CCPG1: variants seen among roughly 807,000 people sequenced by gnomAD.
The protein encoded by CCPG1 is cell cycle progression 1.
A neutral mutation model predicts 81.3 loss-of-function variants in CCPG1; 46 were observed. The ratio of observed to expected loss-of-function variants is 0.57; its 90% CI spans 0.45 to 0.72. The LOEUF (loss-of-function observed/expected upper bound fraction) is 0.72, where lower values mean the gene tolerates loss of function less well. CCPG1 is among the 30% of genes least tolerant of loss of function. The pLI is 0.00. For synonymous variants in CCPG1, 330 were observed against 305.2 expected (o/e 1.08, Z -0.85); for missense variants, 902 against 937.6 (o/e 0.96, Z 0.50).
chr15:55,369,171 G>C (rs574130828), intron 6 of CCPG1, among the ~76,000 whole-genome samples: 1 of 151,896 alleles, frequency 6.6e-6, no homozygotes. Flanking sequence ...CCGACTTTAC[G>C]GTGAATAGAA....
intron 1 of CCPG1, among the ~76,000 whole-genome samples, chr15:55,392,452 C>A (rs2056940057): frequency 6.6e-6 from 1 of 151,730 alleles, no homozygotes. Context: ...CTCCTGACAT[C>A]ATGATCCACC....
chr15:55,406,391 C>T (rs1484207900), intron 1 of CCPG1, among the ~76,000 whole-genome samples: 1 of 149,484 alleles, frequency 6.7e-6, no homozygotes, highest in Non-Finnish European at 1.5e-5. Flanking sequence ...ACTATCTACA[C>T]TTTTATAACT....
chr15:55,374,329 C>T (rs1358953756), intron 5 of CCPG1: 1 of 691,270 alleles, frequency 1.4e-6, no homozygotes, highest in Non-Finnish European at 2.1e-6. Flanking sequence ...ATTAAAAATA[C>T]TTAATTATCA....
intron 5 of CCPG1, chr15:55,374,384 CT>C: frequency 2.3e-6 from 1 of 443,444 alleles, no homozygotes; most frequent in Non-Finnish European, 3.8e-6. Flanking sequence ...ATAACCATGC[CT>C]TCTTAAAAAC....
intron 5 of CCPG1, chr15:55,372,383 A>T (rs538903368): frequency 3.6e-6 from 1 of 274,666 alleles, no homozygotes; most frequent in Non-Finnish European, 7.1e-6. Flanking sequence ...ATTGCTGGCC[A>T]GGAGCAGTGG....
intron 1 of CCPG1, among the ~76,000 whole-genome samples, chr15:55,394,827 G>A (rs79562264): frequency 6.6e-6 from 1 of 151,384 alleles, no homozygotes; most frequent in African/African-American, 2.4e-5. Context: ...TTACTTAACA[G>A]ATCACTGCAA....
chr15:55,371,997 T>C lies in CCPG1; in HGVS notation c.502A>G (p.Ser168Gly). The C allele has an allele frequency of 6.2e-7, 1 of 1,614,072 alleles. No individual in the cohort carries two copies. The highest frequency in any genetic ancestry group is 8.5e-7 in the Non-Finnish European group (1 of 1,179,876). Residue 168 changes from serine to glycine, a missense_variant, in exon 6 of 9, where the codon AGT (serine) becomes GGT (glycine). Physicochemically the swap from Ser to Gly is moderately conservative, Grantham distance 56 (BLOSUM62 0). Around this residue, in one of 3 missense-constraint regions of CCPG1, gnomAD observed 746 missense variants for 728.6 expected, o/e 1.02. Transcript: ENST00000442196. ...SDDESSSDET[S>G]NQPSPAFRRR... ...CTAAAGGCAGGACTGGGCTGATTAC[T>C]GGTTTCATCACTACTTGATTCATCG...
chr15:55,390,743 A>G (rs1380853394), intron 1 of CCPG1, among the ~76,000 whole-genome samples: 1 of 151,658 alleles, frequency 6.6e-6, no homozygotes. Flanking sequence ...ACTCCTGTAC[A>G]TTAATATTTC....
chr15:55,355,397 T>C lies in CCPG1; in HGVS notation c.*823A>G, dbSNP rs374303086. On this transcript the variant is annotated 3_prime_UTR_variant, in exon 9 of 9. Transcript: ENST00000442196. ...TCACATATATGTCTATGAACGGAAGTTAAAAGGGAAATTCAACATGAAGAT... is the reference window on the plus strand; with the variant it reads ...TCACATATATGTCTATGAACGGAAGCTAAAAGGGAAATTCAACATGAAGAT... 35 of 1,608,764 alleles carry C rather than the reference T, an allele frequency of 2.2e-5. No individual in the cohort carries two copies. Among genetic ancestry groups the C allele is most frequent in the Non-Finnish European group, 3.0e-5 (35 of 1,177,750 alleles).
At chr15:55,408,194 G>A (rs755742943) in intron 1 of CCPG1, 27 bp downstream of exon 1, 1 of 152,438 alleles carries the variant, frequency 6.6e-6, no homozygotes, top group African/African-American at 2.4e-5. Flanking sequence ...ACCCCCTCCC[G>A]GGGTCTAAGC....
Position 55,360,525 on chromosome 15 carries a change from A to G in CCPG1, c.1248T>C (p.Asn416=), listed in dbSNP as rs372148713. The change falls in exon 8 of 9, where the codon AAT becomes AAC. Residue 416 remains asparagine, a synonymous_variant. Coordinates refer to ENST00000442196, the MANE Select transcript of CCPG1 (RefSeq NM_001204450.2). The stretch of plus-strand genomic sequence containing the variant: ...CTATTTCCTTTTTTTCAGTATATAC[A>G]TTGGGAGAATCTGACTTGCCATGTA... The part of the protein sequence containing the change: ...SQLHGKSDSP[N]VYTEKKEIAI... The G allele has an allele frequency of 3.3e-5, 53 of 1,614,018 alleles. No individual in the cohort carries two copies. In the Middle Eastern group the frequency reaches 6.6e-4, roughly 20 times the overall value.
At chr15:55,361,351 T>C (rs2056191162) in intron 7 of CCPG1, among the ~76,000 whole-genome samples, 1 of 151,800 alleles carries the variant, frequency 6.6e-6, no homozygotes, top group African/African-American at 2.4e-5. Context: ...GACAGAAAGT[T>C]AGCTAGAGCT....
chr15:55,394,914 A>G (rs2056986861), intron 1 of CCPG1, among the ~76,000 whole-genome samples: 1 of 151,620 alleles, frequency 6.6e-6, no homozygotes, highest in Non-Finnish European at 1.5e-5. Context: ...TCTCTTCCTC[A>G]CCCCTCTCTA....
intron 5 of CCPG1, among the ~76,000 whole-genome samples, chr15:55,373,826 C>T (rs1595836437): frequency 6.6e-6 from 1 of 152,180 alleles, no homozygotes; most frequent in Admixed American, 6.5e-5. Context: ...TCTACATTAA[C>T]ATTACCTTCA....
At position 55,390,737 on chromosome 15, in the gene CCPG1, C is replaced by T. The variant is rs55877748; in HGVS notation, c.-9-1304G>A. Among the ~76,000 whole-genome samples, 72 of 152,020 alleles carry T rather than the reference C, an allele frequency of 4.7e-4. 1 individual carries two copies. The highest frequency in any genetic ancestry group is 1.5e-3 in the African/African-American group (63 of 41,386). ...AATCTGTTAATTATTCTGAAAACTC[C>T]TGTACATTAATATTTCAAAAAGAGA... On this transcript the variant is annotated intron_variant, in intron 1 of 8. Transcript: ENST00000442196.
At chr15:55,368,277 C>CA (rs2056372794) in intron 6 of CCPG1, among the ~76,000 whole-genome samples, 1 of 152,152 alleles carries the variant, frequency 6.6e-6, no homozygotes, top group South Asian at 2.1e-4. Context: ...GTAGTCCAAG[C>CA]AGTCTTTTCA....
At chr15:55,375,129 G>C (rs1172532652) in intron 5 of CCPG1, among the ~76,000 whole-genome samples, 1 of 152,146 alleles carries the variant, frequency 6.6e-6, no homozygotes, top group South Asian at 2.1e-4. Flanking sequence ...AAAATCTCAA[G>C]AAGTCAGAAT....
chr15:55,404,944 C>A (rs2057189611), intron 1 of CCPG1, among the ~76,000 whole-genome samples: 2 of 152,006 alleles, frequency 1.3e-5, no homozygotes, highest in African/African-American at 4.8e-5. Context: ...GTGGTGTGTG[C>A]CTGTAATCCC....
At chr15:55,381,753 T>A (rs1215680750) in intron 3 of CCPG1, among the ~76,000 whole-genome samples, 1 of 152,220 alleles carries the variant, frequency 6.6e-6, no homozygotes, top group Middle Eastern at 3.2e-3. Flanking sequence ...CAGTAATTGT[T>A]CAGGAGTCCT....
Sources: gnomAD v4.1 joint callset for allele counts (sites outside exome capture counted in the v4.1 genomes callset) on GRCh38, gnomAD v4.1.1 for gene constraint, gnomAD v4.1.1 regional missense constraint, MANE v1.5 for transcripts, NCBI Gene and HGNC (gene_info 2026-07-23, HGNC 2026-07-21) for gene names.